Variants in NXPH1 observed in about 807,000 individuals in gnomAD.
NXPH1 encodes neurexophilin 1.
In NXPH1, 5 loss-of-function variants were observed where a neutral mutation model predicts 23.7. The ratio of observed to expected loss-of-function variants is 0.21; its 90% confidence interval spans 0.11 to 0.44. The LOEUF (loss-of-function observed/expected upper bound fraction) is 0.44. NXPH1 is among the 20% of genes least tolerant of loss of function. The probability of loss-of-function intolerance (pLI) is 0.99; values close to 1 mark genes in which losing one functional copy is unlikely to be tolerated. For synonymous variants in NXPH1, 144 were observed against 122.2 expected, an observed-to-expected ratio of 1.18 and a Z score of -1.18; for missense variants, 324 against 321.6, an observed-to-expected ratio of 1.01 and a Z score of -0.06.
intron 2 of NXPH1, among the ~76,000 whole-genome samples, chr7:8,503,057 T>C (rs998083946): frequency 6.6e-6 from 1 of 151,974 alleles, no homozygotes; most frequent in African/African-American, 2.4e-5. Flanking sequence ...GTCTTTTTAG[T>C]GCCCTTTCAT....
intron 2 of NXPH1, among the ~76,000 whole-genome samples, chr7:8,523,994 C>G (rs975114393): frequency 6.6e-6 from 1 of 152,064 alleles, no homozygotes; most frequent in Non-Finnish European, 1.5e-5. Flanking sequence ...CCTGTAATCC[C>G]AGCACTTTGG....
intron 2 of NXPH1, among the ~76,000 whole-genome samples, chr7:8,605,067 G>A (rs1399586604): frequency 1.3e-5 from 2 of 151,888 alleles, no homozygotes; most frequent in African/African-American, 2.4e-5. Context: ...CTTTTCCTTT[G>A]TATTTTAACA....
chr7:8,731,651 TC>T (rs2115217230), intron 2 of NXPH1, among the ~76,000 whole-genome samples: 1 of 152,290 alleles, frequency 6.6e-6, no homozygotes, highest in East Asian at 1.9e-4. Context: ...GATAGGCTGC[TC>T]GGGGGTCAGG....
At chr7:8,475,605 A>G (rs1253062597) in intron 2 of NXPH1, among the ~76,000 whole-genome samples, 1 of 152,140 alleles carries the variant, frequency 6.6e-6, no homozygotes, top group Admixed American at 6.6e-5. Flanking sequence ...CAACAAGGGA[A>G]TCGGGACTGA....
Position 8,474,815 on chromosome 7 carries a change from A to G in NXPH1, c.54+39048A>G, listed in dbSNP as rs192961930. On this transcript the variant is annotated intron_variant, in intron 2 of 2. Transcript: ENST00000405863. ...ATACCCCTCTCTCCATCTCTAGTAC[A>G]TTATCCACTTCCCACTGGCTTTTTC... Among the ~76,000 whole-genome samples the G allele has an allele frequency of 4.6e-4, 70 of 151,998 alleles. 1 individual carries two copies. Among genetic ancestry groups the G allele is most frequent in the Middle Eastern group, 3.4e-3 (1 of 294 alleles).
intron 2 of NXPH1, among the ~76,000 whole-genome samples, chr7:8,441,536 T>C (rs1041481210): frequency 1.3e-5 from 2 of 152,086 alleles, no homozygotes; most frequent in African/African-American, 4.8e-5. Context: ...TGTCACTCAA[T>C]TTATTGTGAA....
rs76672474 is a variant in NXPH1, at chr7:8,486,214, C to G, written c.54+50447C>G. Among the ~76,000 whole-genome samples, 838 of 152,284 alleles carry G rather than the reference C, an allele frequency of 5.5e-3. 8 individuals are homozygous for G. The highest frequency in any genetic ancestry group is 0.02 in the African/African-American group (812 of 41,558). On this transcript the variant is annotated intron_variant, in intron 2 of 2. Coordinates refer to ENST00000405863, the MANE Select transcript of NXPH1 (RefSeq NM_152745.3). Reference sequence around the variant, plus strand: ...AGGAAGAACTAGACAGAATTCCCTTCAGCCACAGGGAGCAAAATGGCATTG... The same window carrying G: ...AGGAAGAACTAGACAGAATTCCCTTGAGCCACAGGGAGCAAAATGGCATTG...
intron 2 of NXPH1, among the ~76,000 whole-genome samples, chr7:8,615,194 C>A (rs1310383378): frequency 5.3e-5 from 8 of 152,006 alleles, no homozygotes; most frequent in Non-Finnish European, 1.2e-4. Flanking sequence ...TTGTTTGACA[C>A]AATGGGTTTT....
At chr7:8,740,342 G>A (rs774540149) in intron 2 of NXPH1, among the ~76,000 whole-genome samples, 29 of 152,160 alleles carry the variant, frequency 1.9e-4, no homozygotes, top group Middle Eastern at 3.4e-3. Flanking sequence ...CCATTGTTTG[G>A]ATGGCAAGAA....
chr7:8,450,125 T>C (rs1816481117), intron 2 of NXPH1, among the ~76,000 whole-genome samples: 1 of 152,218 alleles, frequency 6.6e-6, no homozygotes, highest in African/African-American at 2.4e-5. Context: ...TCTGTATCTC[T>C]TCTAACAAAT....
intron 2 of NXPH1, among the ~76,000 whole-genome samples, chr7:8,447,155 T>G (rs1012157975): frequency 6.6e-6 from 1 of 152,266 alleles, no homozygotes; most frequent in Admixed American, 6.5e-5. Flanking sequence ...TGCAGAATGA[T>G]GAGTTGTGAT....
chr7:8,483,189 G>C (rs1242821205), intron 2 of NXPH1, among the ~76,000 whole-genome samples: 1 of 152,044 alleles, frequency 6.6e-6, no homozygotes, highest in African/African-American at 2.4e-5. Flanking sequence ...ATTAGATTGG[G>C]AATCAGATTT....
intron 2 of NXPH1, among the ~76,000 whole-genome samples, chr7:8,499,797 G>C (rs967642450): frequency 1.3e-5 from 2 of 152,020 alleles, no homozygotes; most frequent in Non-Finnish European, 2.9e-5. Flanking sequence ...CTGAGCATTG[G>C]CCTCTGCAGC....
At chr7:8,549,595 G>T (rs192919277) in intron 2 of NXPH1, among the ~76,000 whole-genome samples, 2 of 151,506 alleles carry the variant, frequency 1.3e-5, no homozygotes, top group East Asian at 3.9e-4. Context: ...AACAGACCCA[G>T]CCCCCAATAT....
intron 2 of NXPH1, among the ~76,000 whole-genome samples, chr7:8,672,723 C>G (rs1449887210): frequency 6.6e-6 from 1 of 152,198 alleles, no homozygotes; most frequent in Non-Finnish European, 1.5e-5. Flanking sequence ...GTGGTTTCAA[C>G]TTATACGAAC....
At chr7:8,677,559 A>C (rs962406444) in intron 2 of NXPH1, among the ~76,000 whole-genome samples, 4 of 152,174 alleles carry the variant, frequency 2.6e-5, no homozygotes, top group Admixed American at 6.5e-5. Flanking sequence ...GATAGCACAA[A>C]ACCAGATGAT....
intron 2 of NXPH1, among the ~76,000 whole-genome samples, chr7:8,654,639 C>T (rs1179517848): frequency 1.3e-5 from 2 of 152,170 alleles, no homozygotes; most frequent in Non-Finnish European, 2.9e-5. Context: ...GCAATAGTCA[C>T]AATGATAGTG....
intron 2 of NXPH1, among the ~76,000 whole-genome samples, chr7:8,680,995 A>C (rs1821041253): frequency 6.6e-6 from 1 of 152,238 alleles, no homozygotes. Context: ...AGATGAACAA[A>C]CTGAGGCTAC....
chr7:8,560,536 A>G (rs1033388899), intron 2 of NXPH1, among the ~76,000 whole-genome samples: 2 of 151,726 alleles, frequency 1.3e-5, no homozygotes, highest in Non-Finnish European at 3.0e-5. Flanking sequence ...GTTGGCAAGT[A>G]TTTATTACCC....
Sources: gnomAD v4.1 joint callset for allele counts (sites outside exome capture counted in the v4.1 genomes callset) on GRCh38, gnomAD v4.1.1 for gene constraint, MANE v1.5 for transcripts, NCBI Gene and HGNC (gene_info 2026-07-23, HGNC 2026-07-21) for gene names.